Variants in TCF4 observed in about 807,000 individuals in gnomAD.
TCF4 encodes the protein SL3-3 enhancer factor 2.
In TCF4, 3 loss-of-function variants were observed where a neutral mutation model predicts 82.1. That is an observed-to-expected ratio of 0.04 (90% CI 0.02 to 0.09). TCF4 has a LOEUF of 0.09. TCF4 is among the 10% of genes least tolerant of loss of function. The pLI is 1.00. For missense variants in TCF4, 518 were observed against 852.7 expected (o/e 0.61, Z 4.89); for synonymous variants, 276 against 309.6 (o/e 0.89, Z 1.14).
rs188038501 is a variant in TCF4 at position 55,269,783 on chromosome 18, A to T, written c.922+48T>A. On this transcript the variant is annotated intron_variant, in intron 11 of 19. Transcript: ENST00000354452. ...GGAAAAAGAGGTCCTTGATGATTAA[A>T]CTCTGACACCAATTGTTGGTATCAG... is the stretch of plus-strand genomic sequence containing the variant. The T allele has an allele frequency of 4.8e-5, 78 of 1,611,686 alleles. No individual in the cohort carries two copies. The East Asian group carries it at 1.7e-3, about 34-fold the overall frequency.
At chr18:55,388,620 T>C (rs56713305) in intron 6 of TCF4, among the ~76,000 whole-genome samples, 3,076 of 152,126 alleles carry the variant, frequency 0.02, 92 homozygotes, top group African/African-American at 0.069. Context: ...TAATAATGAA[T>C]AGAGAGCTGG....
rs148802110 is a variant in TCF4, at chr18:55,228,289, G to C, written c.1952C>G (p.Pro651Arg). The change falls in exon 19 of 20, where the codon CCT becomes CGT. Residue 651 changes from proline to arginine, a missense_variant. Pro to Arg is a moderately radical substitution (Grantham distance 103, BLOSUM62 -2). Around this residue, in one of 7 missense-constraint regions of TCF4, gnomAD observed 40 missense variants for 41.5 expected, o/e 0.96. Transcript: ENST00000354452. ...EEEKVSSEPP[P>R]LSLAGPHPGM... ...AGGGTGTGGGCCGGCCAAGGAGAGA[G>C]GGGGAGGCTCTGAGGACACCTTCTC... 8 of 1,613,988 alleles carry C rather than the reference G, an allele frequency of 5.0e-6. No homozygotes were observed. The highest frequency in any genetic ancestry group is 6.8e-6 in the Non-Finnish European group (8 of 1,180,000).
chr18:55,475,356 T>C (rs1048160641), intron 3 of TCF4, among the ~76,000 whole-genome samples: 12 of 152,172 alleles, frequency 7.9e-5, no homozygotes, highest in Non-Finnish European at 1.6e-4. Context: ...ACTACAATAG[T>C]GGTCTGGTGT....
chr18:55,473,870 T>C (rs2096237931), intron 3 of TCF4, among the ~76,000 whole-genome samples: 1 of 152,166 alleles, frequency 6.6e-6, no homozygotes, highest in African/African-American at 2.4e-5. Context: ...ATTAAAGCAA[T>C]CTTCTGGGTA....
intron 2 of TCF4, among the ~76,000 whole-genome samples, chr18:55,622,846 G>A (rs1171928216): frequency 6.6e-6 from 1 of 150,662 alleles, no homozygotes; most frequent in Non-Finnish European, 1.5e-5. Context: ...TTGCACGAGA[G>A]TTCTCTATCA....
intron 8 of TCF4, among the ~76,000 whole-genome samples, chr18:55,341,057 T>G (rs1397855753): frequency 6.6e-6 from 1 of 152,226 alleles, no homozygotes; most frequent in Non-Finnish European, 1.5e-5. Flanking sequence ...TGATGATCAC[T>G]CTACAGTGAA....
At chr18:55,529,343 T>G (rs185924834) in intron 3 of TCF4, among the ~76,000 whole-genome samples, 1 of 152,338 alleles carries the variant, frequency 6.6e-6, no homozygotes, top group East Asian at 1.9e-4. Flanking sequence ...CAGCATCTCA[T>G]GAGTAAACAG....
intron 9 of TCF4, among the ~76,000 whole-genome samples, chr18:55,276,168 C>T (rs1161700725): frequency 6.6e-6 from 1 of 151,948 alleles, no homozygotes; most frequent in Non-Finnish European, 1.5e-5. Flanking sequence ...GTTTTAAAAG[C>T]ATGTAAAGAA....
At chr18:55,340,893 G>C (rs749857774) in intron 8 of TCF4, among the ~76,000 whole-genome samples, 1 of 152,114 alleles carries the variant, frequency 6.6e-6, no homozygotes, top group Non-Finnish European at 1.5e-5. Flanking sequence ...TGTGTAGCTA[G>C]GAAGTGACAT....
chr18:55,407,649 T>TA (rs60748072), intron 5 of TCF4, among the ~76,000 whole-genome samples: 12,385 of 132,546 alleles, frequency 0.093, 719 homozygotes, highest in East Asian at 0.34. Context: ...AACTTCCATA[T>TA]AAAAAAAAAA....
rs2046910258 is a variant in TCF4, at chr18:55,228,301, G to A, written c.1940C>T (p.Ser647Leu). ...GGCCAAGGAGAGAGGGGGAGGCTCT[G>A]AGGACACCTTCTCTTCCTCCCTTCT... ...LKRREEEKVS[S>L]EPPPLSLAGP... is the part of the protein sequence containing the mutation. The change falls in exon 19 of 20, where the codon TCA becomes TTA. Residue 647 changes from serine (S) to leucine (L), a missense_variant. Transcript: ENST00000354452. The A allele has an allele frequency of 6.2e-7, 1 of 1,614,100 alleles. No homozygotes were observed. Among genetic ancestry groups the A allele is most frequent in the Non-Finnish European group, 8.5e-7 (1 of 1,179,958 alleles).
intron 17 of TCF4, chr18:55,230,013 T>A (rs1182501539): frequency 5.3e-5 from 8 of 152,268 alleles, no homozygotes; most frequent in Admixed American, 5.2e-4. Flanking sequence ...GGCACAGTGA[T>A]GCACACCTGC....
chr18:55,607,069 G>A (rs1162853079), intron 2 of TCF4, among the ~76,000 whole-genome samples: 1 of 152,122 alleles, frequency 6.6e-6, no homozygotes, highest in Non-Finnish European at 1.5e-5. Context: ...AATGGGTAGA[G>A]GTGAGCATGT....
intron 2 of TCF4, among the ~76,000 whole-genome samples, chr18:55,624,839 G>A (rs898678932): frequency 1.4e-4 from 22 of 152,194 alleles, no homozygotes; most frequent in African/African-American, 4.6e-4. Flanking sequence ...GGTATTAATC[G>A]TACCATTTTG....
intron 3 of TCF4, among the ~76,000 whole-genome samples, chr18:55,520,123 T>C (rs975015068): frequency 6.6e-6 from 1 of 152,226 alleles, no homozygotes; most frequent in African/African-American, 2.4e-5. Flanking sequence ...TTATTTCCAT[T>C]GAGGAATAAT....
At chr18:55,459,624 C>T (rs907766362) in intron 5 of TCF4, among the ~76,000 whole-genome samples, 2 of 152,104 alleles carry the variant, frequency 1.3e-5, no homozygotes, top group African/African-American at 2.4e-5. Context: ...AAAATCATAA[C>T]TATTGACACT....
upstream of TCF4, among the ~76,000 whole-genome samples, chr18:55,592,790 A>G (rs1568479299): frequency 6.6e-6 from 1 of 152,210 alleles, no homozygotes. Context: ...TGTGAGAGCC[A>G]TGGTTATAGG....
At chr18:55,556,996 C>A (rs1314150321) in intron 3 of TCF4, among the ~76,000 whole-genome samples, 1 of 152,098 alleles carries the variant, frequency 6.6e-6, no homozygotes, top group Non-Finnish European at 1.5e-5. Flanking sequence ...TAGGAACAAC[C>A]CCCTATTTAT....
intron 3 of TCF4, among the ~76,000 whole-genome samples, chr18:55,487,201 G>A (rs1466390149): frequency 4.6e-5 from 7 of 152,062 alleles, no homozygotes; most frequent in South Asian, 2.1e-4. Context: ...GTCGAGTCTC[G>A]TGTCTTTCCT....
Sources: allele counts gnomAD v4.1 joint callset (sites outside exome capture counted in the v4.1 genomes callset), GRCh38; gene constraint gnomAD v4.1.1; regional missense constraint gnomAD v4.1.1; transcripts MANE v1.5; gene names NCBI Gene and HGNC (gene_info 2026-07-23, HGNC 2026-07-21).